Variants in KLF7 observed in about 807,000 individuals in gnomAD.
The protein encoded by KLF7 is KLF transcription factor 7, also known as Krueppel-like factor 7.
In KLF7, 2 loss-of-function variants were observed where a neutral mutation model predicts 27.3. The ratio of observed to expected loss-of-function variants is 0.07; its 90% CI spans 0.03 to 0.23. The LOEUF (loss-of-function observed/expected upper bound fraction) is 0.23, where lower values mean the gene tolerates loss of function less well. Among genes scored for constraint, KLF7 ranks in the 10% least tolerant of loss-of-function variants. KLF7 has a pLI of 1.00. For synonymous variants in KLF7, 165 were observed against 162.4 expected (o/e 1.02, Z -0.12); for missense variants, 221 against 394.1 (o/e 0.56, Z 3.72).
chr2:207,106,555 G>A (rs903796457), intron 2 of KLF7, among the ~76,000 whole-genome samples: 25 of 152,132 alleles, frequency 1.6e-4, no homozygotes, highest in African/African-American at 5.8e-4. Context: ...TGGTATTTAT[G>A]CATCTACGAA....
At chr2:207,171,739 A>G (rs2078787188), upstream of KLF7, among the ~76,000 whole-genome samples, 1 of 152,200 alleles carries the variant, frequency 6.6e-6, no homozygotes, top group Admixed American at 6.5e-5. Context: ...GTTTTTTCTT[A>G]GACACAATGC....
At chr2:207,136,484 A>G (rs1308069045) in intron 1 of KLF7, among the ~76,000 whole-genome samples, 1 of 152,104 alleles carries the variant, frequency 6.6e-6, no homozygotes, top group African/African-American at 2.4e-5. Flanking sequence ...CTTCATTGTC[A>G]CCTACTCAGA....
intron 1 of KLF7, among the ~76,000 whole-genome samples, chr2:207,135,213 G>C (rs1198945983): frequency 1.3e-5 from 2 of 151,912 alleles, no homozygotes; most frequent in South Asian, 2.1e-4. Flanking sequence ...AATTCTATGA[G>C]GAAGCAAAAC....
At chr2:207,091,401 G>C (rs2076508569) in intron 2 of KLF7, among the ~76,000 whole-genome samples, 1 of 152,234 alleles carries the variant, frequency 6.6e-6, no homozygotes, top group East Asian at 1.9e-4. Flanking sequence ...ACTTAGCTCT[G>C]AATCTTATCA....
chr2:207,108,314 TATTATCAA>T (rs2076934903), intron 2 of KLF7, among the ~76,000 whole-genome samples: 2 of 152,222 alleles, frequency 1.3e-5, no homozygotes, highest in Non-Finnish European at 2.9e-5. Context: ...AGGAAAAGGC[TATTATCAA>T]ATTGGGTTGG....
At chr2:207,123,689 C>T in intron 2 of KLF7, 85 bp downstream of exon 2, 1 of 1,456,650 alleles carries the variant, frequency 6.9e-7, no homozygotes, top group Non-Finnish European at 9.3e-7. Context: ...GGGTGCCACT[C>T]CTCAGAACAA....
chr2:207,167,469 C>G (rs2078746287), upstream of KLF7, among the ~76,000 whole-genome samples: 1 of 152,178 alleles, frequency 6.6e-6, no homozygotes, highest in Non-Finnish European at 1.5e-5. Context: ...CTCCCTTTGA[C>G]TATGTAGGAC....
At chr2:207,130,522 T>G (rs1300413500) in intron 1 of KLF7, among the ~76,000 whole-genome samples, 4 of 152,232 alleles carry the variant, frequency 2.6e-5, no homozygotes, top group Non-Finnish European at 5.9e-5. Flanking sequence ...ATGGCAGATA[T>G]GTCTAAGTGT....
intron 1 of KLF7, among the ~76,000 whole-genome samples, chr2:207,130,268 G>A (rs1274659845): frequency 6.6e-6 from 1 of 152,020 alleles, no homozygotes; most frequent in East Asian, 1.9e-4. Context: ...TCCCCTTCAG[G>A]GAGCCCAACC....
At chr2:207,125,160 T>C (rs2077446747) in intron 1 of KLF7, among the ~76,000 whole-genome samples, 1 of 152,254 alleles carries the variant, frequency 6.6e-6, no homozygotes, top group African/African-American at 2.4e-5. Context: ...CATAGCTATT[T>C]AGACCACTTA....
Position 207,123,923 on chromosome 2 carries a change from T to G in KLF7, c.584A>C (p.Lys195Thr), listed in dbSNP as rs769015031. The change falls in exon 2 of 4, where the codon AAG becomes ACG. Residue 195 changes from lysine to threonine, a missense_variant. Lys to Thr is a moderately conservative substitution (Grantham distance 78, BLOSUM62 -1). Transcript: ENST00000309446. ...TTGGTCACTGTCGCTCTGTCCACTCTTAACGGCCCCCGCAGCCGTCACGGC... is the reference window on the plus strand; with the variant it reads ...TTGGTCACTGTCGCTCTGTCCACTCGTAACGGCCCCCGCAGCCGTCACGGC... Reference protein sequence around the residue: ...AAAVTAAGAVKSGQSDSDQGG... With the variant: ...AAAVTAAGAVTSGQSDSDQGG... The G allele has an allele frequency of 1.2e-6, 2 of 1,614,074 alleles. No homozygotes were observed. The highest frequency in any genetic ancestry group is 2.2e-5 in the South Asian group (2 of 91,080).
At chr2:207,117,788 C>CA (rs2105964195) in intron 2 of KLF7, among the ~76,000 whole-genome samples, 1 of 152,194 alleles carries the variant, frequency 6.6e-6, no homozygotes, top group East Asian at 1.9e-4. Context: ...TGAACAGCAT[C>CA]AATAAACACT....
upstream of KLF7, chr2:207,166,997 G>C: frequency 1.2e-6 from 1 of 855,488 alleles, no homozygotes; most frequent in African/African-American, 1.8e-5. Flanking sequence ...GAGAGACCTG[G>C]TCGGGAGTCC....
intron 3 of KLF7, among the ~76,000 whole-genome samples, chr2:207,086,964 A>T (rs73055215): frequency 0.034 from 5,124 of 152,304 alleles, 223 homozygotes; most frequent in African/African-American, 0.093. Flanking sequence ...CACCATCTGC[A>T]GGGCTTCTTT....
At position 207,165,777 on chromosome 2, in the gene KLF7, T is replaced by A; in HGVS notation, c.-209A>T. The A allele has an allele frequency of 7.0e-7, 1 of 1,424,660 alleles. No individual in the cohort carries two copies. Among genetic ancestry groups the A allele is most frequent in the South Asian group, 1.5e-5 (1 of 66,152 alleles). The allele number at this position is 1,424,660 out of a possible 1,614,324, so 88.3% of individuals were successfully genotyped here. On this transcript the variant is annotated 5_prime_UTR_variant, in exon 1 of 4. Coordinates refer to ENST00000309446, the MANE Select transcript of KLF7 (RefSeq NM_003709.4). ...GTGAGAGAGGAGCGAGTGAGTGGGGTGGATGGAGAGAGGCATCCAGCGTGT... is the reference window on the plus strand; with the variant it reads ...GTGAGAGAGGAGCGAGTGAGTGGGGAGGATGGAGAGAGGCATCCAGCGTGT...
At chr2:207,137,672 AGT>A (rs1559153084) in intron 1 of KLF7, among the ~76,000 whole-genome samples, 1 of 151,998 alleles carries the variant, frequency 6.6e-6, no homozygotes, top group Non-Finnish European at 1.5e-5. Context: ...TATGAGTGTG[AGT>A]GTGTGTGTGC....
chr2:207,103,048 C>T (rs2076804802), intron 2 of KLF7, among the ~76,000 whole-genome samples: 1 of 152,280 alleles, frequency 6.6e-6, no homozygotes, highest in South Asian at 2.1e-4. Context: ...CTGCCTCAGC[C>T]TCCTGAGTAG....
chr2:207,126,624 G>C (rs1234646222), intron 1 of KLF7, among the ~76,000 whole-genome samples: 2 of 152,120 alleles, frequency 1.3e-5, no homozygotes, highest in African/African-American at 4.8e-5. Flanking sequence ...GGCAACACAA[G>C]ACCCTGTCTC....
intron 1 of KLF7, among the ~76,000 whole-genome samples, chr2:207,163,721 G>T (rs371306366): frequency 1.3e-5 from 2 of 152,208 alleles, no homozygotes; most frequent in Non-Finnish European, 2.9e-5. Flanking sequence ...GGGCTGCCTT[G>T]GGCAGGCTGA....
Sources: gnomAD v4.1 joint callset for allele counts (sites outside exome capture counted in the v4.1 genomes callset) on GRCh38, gnomAD v4.1.1 for gene constraint, MANE v1.5 for transcripts, NCBI Gene and HGNC (gene_info 2026-07-23, HGNC 2026-07-21) for gene names.